AMPD3: variants seen among roughly 807,000 people sequenced by gnomAD.
AMPD3 encodes AMP deaminase 3.
AMPD3 carries 57 observed loss-of-function variants against 82.3 expected under a neutral mutation model. That is an observed-to-expected ratio of 0.69 (90% CI 0.56 to 0.86). The LOEUF (loss-of-function observed/expected upper bound fraction) is 0.86, where lower values mean the gene tolerates loss of function less well. Among genes scored for constraint, AMPD3 ranks in the 40% least tolerant of loss-of-function variants. The pLI is 0.00. For synonymous variants in AMPD3, 381 were observed against 394.7 expected, an observed-to-expected ratio of 0.97 and a Z score of 0.41; for missense variants, 870 against 1,003.8, an observed-to-expected ratio of 0.87 and a Z score of 1.80.
chr11:10,501,228 CA>C, intron 11 of AMPD3: 2 of 985,362 alleles, frequency 2.0e-6, no homozygotes, highest in Non-Finnish European at 2.4e-6. Flanking sequence ...GAGGGCACAG[CA>C]GGGTCTCTTT....
chr11:10,505,301 G>C (rs1260978403), intron 14 of AMPD3: 3 of 985,382 alleles, frequency 3.0e-6, no homozygotes, highest in Middle Eastern at 5.2e-4. Context: ...AGAGTTAAAG[G>C]CTTAAGATTC....
upstream of AMPD3, chr11:10,455,026 G>A (rs2133805825): frequency 2.0e-6 from 1 of 497,388 alleles, no homozygotes; most frequent in South Asian, 8.8e-5. Context: ...GTGCACACAG[G>A]AATTATGATG....
chr11:10,497,899 T>A, intron 10 of AMPD3: 1 of 940,448 alleles, frequency 1.1e-6, no homozygotes, highest in Non-Finnish European at 1.3e-6. Flanking sequence ...TTGTTAACAG[T>A]AAGCGGAATT....
upstream of AMPD3, chr11:10,450,952 A>T (rs535336026): frequency 5.9e-4 from 856 of 1,460,074 alleles, 2 homozygotes; most frequent in Non-Finnish European, 7.3e-4. Context: ...AGTGCCCAGC[A>T]GCCCCGCTCC....
chr11:10,493,187 G>A (rs555449042), intron 6 of AMPD3, among the ~76,000 whole-genome samples, 162 bp from the exon 7 acceptor site: 3 of 152,286 alleles, frequency 2.0e-5, no homozygotes, highest in Non-Finnish European at 2.9e-5. Context: ...TACCAGTTCC[G>A]AAGTCTGGAG....
At chr11:10,472,012 C>G (rs962379173) in intron 2 of AMPD3, among the ~76,000 whole-genome samples, 1 of 152,204 alleles carries the variant, frequency 6.6e-6, no homozygotes, top group African/African-American at 2.4e-5. Context: ...TATTGCAGCA[C>G]TATCCACAAT....
intron 2 of AMPD3, among the ~76,000 whole-genome samples, chr11:10,470,860 C>G (rs917305274): frequency 6.6e-6 from 1 of 152,112 alleles, no homozygotes; most frequent in African/African-American, 2.4e-5. Context: ...TAGGAAGAAT[C>G]AATATCATGA....
At chr11:10,495,387 G>A (rs1849363443) in intron 8 of AMPD3, 183 bp from the exon 9 acceptor site, 1 of 984,540 alleles carries the variant, frequency 1.0e-6, no homozygotes. Context: ...CTCACCAGAG[G>A]GGGCCTCTCC....
At chr11:10,450,681 T>C, upstream of AMPD3, 1 of 1,044,180 alleles carries the variant, frequency 9.6e-7, no homozygotes, top group Non-Finnish European at 1.2e-6. Context: ...GCCGCGCCCC[T>C]GCTGCTCTCA....
At chr11:10,483,942 T>C (rs1172019808) in intron 4 of AMPD3, among the ~76,000 whole-genome samples, 2 of 152,376 alleles carry the variant, frequency 1.3e-5, no homozygotes, top group Admixed American at 1.3e-4. Context: ...CCAGCTCTAC[T>C]GATATTTAGC....
At chr11:10,472,209 C>T (rs1467239982) in intron 2 of AMPD3, among the ~76,000 whole-genome samples, 2 of 152,052 alleles carry the variant, frequency 1.3e-5, no homozygotes, top group African/African-American at 2.4e-5. Flanking sequence ...AACCAAACAT[C>T]GCATGTTCTC....
At chr11:10,468,941 C>G (rs1166094611) in intron 2 of AMPD3, among the ~76,000 whole-genome samples, 1 of 152,168 alleles carries the variant, frequency 6.6e-6, no homozygotes, top group Non-Finnish European at 1.5e-5. Context: ...TCTTTGAAAC[C>G]AGTGAGAACA....
In AMPD3 at chr11:10,488,180, G is replaced by A. The variant is rs113469257; in HGVS notation, c.939+816G>A. Reference sequence around the variant, plus strand: ...CTGGCAGTCTCCGCCTGCAGGGGCCGCAACTGCGGTAGGAGCGAAGGTTAA... The same window carrying A: ...CTGGCAGTCTCCGCCTGCAGGGGCCACAACTGCGGTAGGAGCGAAGGTTAA... On this transcript the variant is annotated intron_variant, in intron 6 of 14. Transcript: ENST00000396553. The A allele has an allele frequency of 1.2e-5, 12 of 984,868 alleles. No homozygotes were observed. In the East Asian group the frequency reaches 5.7e-4, roughly 47 times the overall value. The allele number at this position is 984,868 out of a possible 1,614,324, so 61.0% of individuals were successfully genotyped here.
Position 10,495,550 on chromosome 11 carries a change from C to G in AMPD3, c.1267-20C>G. The G allele has an allele frequency of 6.2e-7, 1 of 1,612,274 alleles. No homozygotes were observed. The highest frequency in any genetic ancestry group is 8.5e-7 in the Non-Finnish European group (1 of 1,179,992). Reference sequence around the variant, plus strand: ...GTAGCTGGGATGCACTGGGGCTGACCCAAGCTCTTCTTGTGCCAGGAGGTT... The same window carrying G: ...GTAGCTGGGATGCACTGGGGCTGACGCAAGCTCTTCTTGTGCCAGGAGGTT... On this transcript the variant is annotated intron_variant, in intron 8 of 14. Transcript: ENST00000396553.
chr11:10,474,955 A>G (rs903074154), intron 2 of AMPD3, among the ~76,000 whole-genome samples: 4 of 152,328 alleles, frequency 2.6e-5, no homozygotes, highest in Non-Finnish European at 5.9e-5. Context: ...TAACAGGGGC[A>G]CCAGATCAGT....
chr11:10,451,957 G>C (rs1591431019), upstream of AMPD3, among the ~76,000 whole-genome samples: 2 of 152,208 alleles, frequency 1.3e-5, no homozygotes, highest in South Asian at 4.1e-4. Flanking sequence ...TTGACAGCAG[G>C]TCTGGGGTAG....
At chr11:10,470,111 C>T (rs1848546087) in intron 2 of AMPD3, among the ~76,000 whole-genome samples, 1 of 151,898 alleles carries the variant, frequency 6.6e-6, no homozygotes, top group South Asian at 2.1e-4. Flanking sequence ...AAAAGCTTAT[C>T]CACCACGATC....
chr11:10,477,470 C>T (rs1848773826), intron 2 of AMPD3, among the ~76,000 whole-genome samples: 1 of 152,136 alleles, frequency 6.6e-6, no homozygotes. Flanking sequence ...AATTTTTCTG[C>T]AGAAGAGACT....
At chr11:10,493,607 T>G (rs1456462791) in intron 7 of AMPD3, 64 bp downstream of exon 7, 22 of 1,563,686 alleles carry the variant, frequency 1.4e-5, no homozygotes, top group Middle Eastern at 1.7e-4. Flanking sequence ...CTCAGCCCCC[T>G]GGAAAGCCAC....
Sources: gnomAD v4.1 joint callset for allele counts (sites outside exome capture counted in the v4.1 genomes callset) on GRCh38, gnomAD v4.1.1 for gene constraint, MANE v1.5 for transcripts, NCBI Gene and HGNC (gene_info 2026-07-23, HGNC 2026-07-21) for gene names.